Variants in LAMC1 observed in about 807,000 individuals in gnomAD.
LAMC1 encodes the protein laminin subunit gamma 1.
Under a neutral mutation model 173.6 loss-of-function variants are expected in LAMC1, and 38 were observed. The ratio of observed to expected loss-of-function variants is 0.22; its 90% CI spans 0.17 to 0.29. The LOEUF is 0.29. LAMC1 is among the 10% of genes least tolerant of loss of function. LAMC1 has a pLI of 1.00. For synonymous variants in LAMC1, 746 were observed against 749.1 expected, an observed-to-expected ratio of 1.00 and a Z score of 0.07; for missense variants, 1,824 against 2,051.8, an observed-to-expected ratio of 0.89 and a Z score of 2.14.
At chr1:183,070,343 C>T (rs1428651292) in intron 1 of LAMC1, among the ~76,000 whole-genome samples, 1 of 152,144 alleles carries the variant, frequency 6.6e-6, no homozygotes, top group Non-Finnish European at 1.5e-5. Context: ...ACTAGTGCTT[C>T]TGTTGGGGGT....
chr1:183,102,037 C>T (rs895774673), intron 1 of LAMC1, among the ~76,000 whole-genome samples: 1 of 152,188 alleles, frequency 6.6e-6, no homozygotes, highest in African/African-American at 2.4e-5. Context: ...AGGACAGCGG[C>T]AGGCCCCACC....
chr1:183,137,899 T>TTGA (rs1277756629), intron 26 of LAMC1, 72 bp downstream of exon 26: 1 of 1,291,234 alleles, frequency 7.7e-7, no homozygotes, highest in African/African-American at 1.5e-5. Context: ...CCCCCACTTG[T>TTGA]TGAGAAGAGT....
chr1:183,027,011 T>C (rs1653705362), intron 1 of LAMC1, among the ~76,000 whole-genome samples: 1 of 152,214 alleles, frequency 6.6e-6, no homozygotes, highest in South Asian at 2.1e-4. Context: ...CATGTGTATA[T>C]AAAATTATAG....
Position 183,104,322 on chromosome 1 carries a change from A to G in LAMC1, c.723+690A>G, listed in dbSNP as rs536796556. ...TTTTTCTCCTGAATTCTACATGCAT[A>G]TTCCTTATACACCATAATACGGAAT... On this transcript the variant is annotated intron_variant, in intron 2 of 27. Transcript: ENST00000258341. 3.3e-5 allele frequency among the ~76,000 whole-genome samples: 5 copies of G among 152,326 alleles called. No individual in the cohort carries two copies. The East Asian group carries it at 9.6e-4, about 29-fold the overall frequency.
chr1:183,135,044 C>T lies in LAMC1; in HGVS notation c.4002C>T (p.Thr1334=), dbSNP rs776790707. 70 of 1,612,666 alleles carry T rather than the reference C, an allele frequency of 4.3e-5. 1 individual carries two copies. Among genetic ancestry groups the T allele is most frequent in the East Asian group, 3.6e-4 (16 of 44,862 alleles). The stretch of plus-strand genomic sequence containing the variant: ...TCTCATCTGCCATGTGTTTGCAGAC[C>T]GCAGACCAACTCCTAGCCCGAGCTG... ...LLEKGKTEQQ[T]ADQLLARADA... is the part of the protein sequence containing the mutation. The change falls in exon 24 of 28, where the codon ACC becomes ACT. Residue 1334 remains threonine, a splice_region_variant and synonymous_variant. Coordinates refer to ENST00000258341, the MANE Select transcript of LAMC1 (RefSeq NM_002293.4).
chr1:183,103,704 G>A (rs749316116), intron 2 of LAMC1, 72 bp downstream of exon 2: 16 of 1,355,164 alleles, frequency 1.2e-5, no homozygotes, highest in Non-Finnish European at 1.4e-5. Context: ...TTATTGTAGT[G>A]GGGCTTGTGG....
intron 1 of LAMC1, among the ~76,000 whole-genome samples, chr1:183,041,731 C>G (rs1200184646): frequency 6.6e-6 from 1 of 152,164 alleles, no homozygotes; most frequent in Admixed American, 6.5e-5. Flanking sequence ...GCATGCAGTA[C>G]AAAGGACCTG....
chr1:183,080,403 G>A (rs1655240416), intron 1 of LAMC1, among the ~76,000 whole-genome samples: 1 of 152,200 alleles, frequency 6.6e-6, no homozygotes, highest in Admixed American at 6.5e-5. Context: ...ACTTGGAGAT[G>A]TGGACACTAG....
chr1:183,108,511 C>A, intron 3 of LAMC1, 105 bp downstream of exon 3: 1 of 1,036,600 alleles, frequency 9.6e-7, no homozygotes, highest in East Asian at 2.7e-5. Context: ...TAGATGTTTT[C>A]TTTACCAAGA....
At chr1:183,038,730 C>T (rs576153453) in intron 1 of LAMC1, among the ~76,000 whole-genome samples, 1 of 152,230 alleles carries the variant, frequency 6.6e-6, no homozygotes, top group African/African-American at 2.4e-5. Context: ...CCCACATGTT[C>T]TCAAAATCCT....
intron 25 of LAMC1, among the ~76,000 whole-genome samples, chr1:183,137,416 T>G (rs572136758): frequency 9.2e-5 from 14 of 152,106 alleles, no homozygotes; most frequent in Non-Finnish European, 1.9e-4. Context: ...GAACAGAAGT[T>G]TCCAGGATTA....
chr1:183,091,595 T>G (rs1007887439), intron 1 of LAMC1, among the ~76,000 whole-genome samples: 1 of 152,186 alleles, frequency 6.6e-6, no homozygotes, highest in African/African-American at 2.4e-5. Context: ...TACCTAAAAT[T>G]TCTTCTCTGA....
intron 1 of LAMC1, among the ~76,000 whole-genome samples, chr1:183,101,137 A>C (rs147583782): frequency 2.6e-5 from 4 of 152,194 alleles, no homozygotes; most frequent in Non-Finnish European, 5.9e-5. Flanking sequence ...GAACAATGAG[A>C]TATCAGAAGG....
At position 183,122,059 on chromosome 1, in the gene LAMC1, A is replaced by G. The variant is rs1656491318; in HGVS notation, c.2213-4A>G. 6.2e-7 allele frequency: 1 copy of G among 1,612,080 alleles called. No individual in the cohort carries two copies. The highest frequency in any genetic ancestry group is 1.1e-5 in the South Asian group (1 of 90,970). On this transcript the variant is annotated splice_region_variant and splice_polypyrimidine_tract_variant and intron_variant, in intron 12 of 27. Transcript: ENST00000258341. ...CTGTTTTCTCACGCCTGCCTTCCAA[A>G]TAGGTGTTTGTAACTGCAGAGACAA...
At chr1:183,130,604 G>A in intron 19 of LAMC1, 55 bp downstream of exon 19, 2 of 1,415,404 alleles carry the variant, frequency 1.4e-6, no homozygotes, top group African/African-American at 1.4e-5. Context: ...GGGGTTTGTA[G>A]CAAGTCTGTT....
In LAMC1 at chr1:183,090,789, C is replaced by T. The variant is rs532416683; in HGVS notation, c.419-12539C>T. 7.2e-5 allele frequency among the ~76,000 whole-genome samples: 11 copies of T among 152,222 alleles called. No homozygotes were observed. In the South Asian group the frequency reaches 2.3e-3, roughly 32 times the overall value. On this transcript the variant is annotated intron_variant, in intron 1 of 27. Coordinates refer to ENST00000258341, the MANE Select transcript of LAMC1 (RefSeq NM_002293.4). Reference sequence around the variant, plus strand: ...CAGTTTCCCCCCTTCACTGCAACTGCTGCTTATTAAGCCTCTGCCTGGTGG... The same window carrying T: ...CAGTTTCCCCCCTTCACTGCAACTGTTGCTTATTAAGCCTCTGCCTGGTGG...
intron 8 of LAMC1, 59 bp from the exon 9 acceptor site, chr1:183,117,261 G>A: frequency 6.5e-7 from 1 of 1,546,100 alleles, no homozygotes; most frequent in South Asian, 1.2e-5. Flanking sequence ...ATACATAGAG[G>A]ACCTGAATTC....
At chr1:183,139,490 G>A (rs538010490) in intron 26 of LAMC1, among the ~76,000 whole-genome samples, 3 of 152,226 alleles carry the variant, frequency 2.0e-5, no homozygotes, top group Non-Finnish European at 4.4e-5. Context: ...AGACAAGCTT[G>A]TGGATGCTCA....
intron 1 of LAMC1, among the ~76,000 whole-genome samples, chr1:183,060,013 G>A (rs1013099578): frequency 6.6e-6 from 1 of 152,090 alleles, no homozygotes; most frequent in African/African-American, 2.4e-5. Context: ...GGGAAGGGGA[G>A]CAAGGAAGGA....
Sources: allele counts gnomAD v4.1 joint callset (sites outside exome capture counted in the v4.1 genomes callset), GRCh38; gene constraint gnomAD v4.1.1; transcripts MANE v1.5; gene names NCBI Gene and HGNC (gene_info 2026-07-23, HGNC 2026-07-21).